CHCHD3: variants seen among roughly 807,000 people sequenced by gnomAD.
CHCHD3 encodes MICOS complex subunit MIC19.
A neutral mutation model predicts 38.2 loss-of-function variants in CHCHD3; 20 were observed. The observed-to-expected ratio is 0.52, with a 90% CI of 0.37 to 0.76. The LOEUF (loss-of-function observed/expected upper bound fraction) is 0.76. Ranked by LOEUF, CHCHD3 falls within the 30% of genes least tolerant of loss-of-function variation. The pLI is 0.00. For synonymous variants in CHCHD3, 82 were observed against 100.0 expected (o/e 0.82, Z 1.07); for missense variants, 245 against 279.2 (o/e 0.88, Z 0.87).
At chr7:132,866,906 G>C (rs1456902095) in intron 5 of CHCHD3, among the ~76,000 whole-genome samples, 1 of 152,148 alleles carries the variant, frequency 6.6e-6, no homozygotes, top group African/African-American at 2.4e-5. Flanking sequence ...CTGCCAGCAG[G>C]CTTCTCCCCC....
intron 5 of CHCHD3, among the ~76,000 whole-genome samples, chr7:132,865,753 C>T (rs1205582944): frequency 2.0e-5 from 3 of 152,298 alleles, no homozygotes; most frequent in African/African-American, 7.2e-5. Flanking sequence ...GCTTCTACCA[C>T]TGTTCCTATT....
intron 6 of CHCHD3, among the ~76,000 whole-genome samples, chr7:132,837,609 T>A (rs552699298): frequency 6.6e-6 from 1 of 152,360 alleles, no homozygotes; most frequent in Admixed American, 6.5e-5. Context: ...TAGGGTTTAA[T>A]CATTTTATCA....
At chr7:132,918,652 G>C (rs1405990865) in intron 4 of CHCHD3, among the ~76,000 whole-genome samples, 1 of 152,062 alleles carries the variant, frequency 6.6e-6, no homozygotes, top group African/African-American at 2.4e-5. Flanking sequence ...AGACTTAAAA[G>C]ACTCAATCTG....
Position 132,785,563 on chromosome 7 carries a change from G to A in CHCHD3, c.*74C>T. 1 of 1,467,500 alleles carries A rather than the reference G, an allele frequency of 6.8e-7. No individual in the cohort carries two copies. The highest frequency in any genetic ancestry group is 1.1e-5 in the South Asian group (1 of 87,578). The allele number at this position is 1,467,500 out of a possible 1,614,324, so 90.9% of individuals were successfully genotyped here. A position where few individuals can be genotyped will look rare whatever the true frequency, so the allele number is the denominator to read the frequency against. On this transcript the variant is annotated 3_prime_UTR_variant, in exon 8 of 8. Transcript: ENST00000262570. ...TAGTGGTCTTCTCTTCAAATGGGTT[G>A]TTTTCTCACTAGGAAAAAAAATGTT...
intron 3 of CHCHD3, among the ~76,000 whole-genome samples, chr7:132,988,674 G>A (rs71535712): frequency 0.021 from 3,252 of 152,228 alleles, 43 homozygotes; most frequent in Non-Finnish European, 0.034. Flanking sequence ...AGCTGCTCAG[G>A]AGGATGAGGT....
At chr7:133,016,874 T>C (rs1325041325) in intron 3 of CHCHD3, among the ~76,000 whole-genome samples, 1 of 152,232 alleles carries the variant, frequency 6.6e-6, no homozygotes, top group East Asian at 1.9e-4. Flanking sequence ...AGGTCCAGCC[T>C]ATGTGGACCA....
At chr7:133,042,184 C>T (rs1813852083) in intron 2 of CHCHD3, among the ~76,000 whole-genome samples, 1 of 152,170 alleles carries the variant, frequency 6.6e-6, no homozygotes, top group South Asian at 2.1e-4. Context: ...CTATAATCCA[C>T]TTATACATAT....
At chr7:132,898,212 T>C (rs1157997042) in intron 4 of CHCHD3, among the ~76,000 whole-genome samples, 1 of 152,128 alleles carries the variant, frequency 6.6e-6, no homozygotes, top group Non-Finnish European at 1.5e-5. Context: ...TTCCACAGTG[T>C]GGAAAGGGAC....
chr7:132,824,479 A>T (rs576748196), intron 6 of CHCHD3, among the ~76,000 whole-genome samples: 41 of 152,016 alleles, frequency 2.7e-4, no homozygotes, highest in Non-Finnish European at 4.6e-4. Context: ...CCACCACGCC[A>T]GGCTAATTTT....
At chr7:132,873,189 GAC>G (rs1232739646) in intron 5 of CHCHD3, among the ~76,000 whole-genome samples, 2 of 152,082 alleles carry the variant, frequency 1.3e-5, no homozygotes, top group Non-Finnish European at 2.9e-5. Context: ...CACCACTGGT[GAC>G]ACAGAGGGAG....
chr7:132,885,251 C>G (rs1037111668), intron 5 of CHCHD3, among the ~76,000 whole-genome samples: 1 of 151,554 alleles, frequency 6.6e-6, no homozygotes, highest in East Asian at 1.9e-4. Context: ...GATTCCATTT[C>G]AAAAAGAAAA....
intron 3 of CHCHD3, among the ~76,000 whole-genome samples, chr7:132,993,170 G>A (rs567656127): frequency 1.3e-5 from 2 of 152,278 alleles, no homozygotes; most frequent in African/African-American, 4.8e-5. Context: ...GACTAGGTGT[G>A]CATGTTTTCT....
At chr7:133,025,324 T>C (rs1405905973) in intron 2 of CHCHD3, among the ~76,000 whole-genome samples, 2 of 152,178 alleles carry the variant, frequency 1.3e-5, no homozygotes, top group Non-Finnish European at 2.9e-5. Context: ...CTTACAGCTA[T>C]GATGGTAAAT....
chr7:132,976,771 G>C (rs895772973), intron 3 of CHCHD3, among the ~76,000 whole-genome samples: 2 of 151,828 alleles, frequency 1.3e-5, no homozygotes, highest in African/African-American at 4.8e-5. Context: ...AAAAACTAGA[G>C]ATAAAATTTT....
chr7:132,965,000 T>C (rs574792907), intron 4 of CHCHD3, among the ~76,000 whole-genome samples: 1 of 152,082 alleles, frequency 6.6e-6, no homozygotes, highest in Non-Finnish European at 1.5e-5. Context: ...ACAAGGCCTA[T>C]TCGAGTAGTT....
chr7:132,927,622 T>C (rs529318170), intron 4 of CHCHD3, among the ~76,000 whole-genome samples: 9 of 152,236 alleles, frequency 5.9e-5, no homozygotes, highest in Non-Finnish European at 1.2e-4. Flanking sequence ...GCTGTTAAAA[T>C]AGCTCCATTC....
At position 133,059,227 on chromosome 7, in the gene CHCHD3, T is replaced by G. The variant is rs144699448; in HGVS notation, c.169+10915A>C. ...GATAGAGTGAAGAAAAGCTCCACTC[T>G]CAAGTGTCCCAGAGTTTTGACAACA... On this transcript the variant is annotated intron_variant, in intron 2 of 7. Coordinates refer to ENST00000262570, the MANE Select transcript of CHCHD3 (RefSeq NM_017812.4). 7.5e-4 allele frequency among the ~76,000 whole-genome samples: 114 copies of G among 152,220 alleles called. 1 individual carries two copies. Among genetic ancestry groups the G allele is most frequent in the African/African-American group, 2.7e-3 (111 of 41,552 alleles).
rs1815188625 is a variant in CHCHD3 at position 133,081,975 on chromosome 7, A to C, written c.-38T>G. ...TGCCCCAGCGGAGACCTAGCGGGGAACCACGAGCACTTCGGGGCCCCCGCA... is the reference window on the plus strand; with the variant it reads ...TGCCCCAGCGGAGACCTAGCGGGGACCCACGAGCACTTCGGGGCCCCCGCA... On this transcript the variant is annotated 5_prime_UTR_variant, in exon 1 of 8. Coordinates refer to ENST00000262570, the MANE Select transcript of CHCHD3 (RefSeq NM_017812.4). 4.0e-6 allele frequency: 6 copies of C among 1,502,232 alleles called. No homozygotes were observed. The highest frequency in any genetic ancestry group is 5.4e-6 in the Non-Finnish European group (6 of 1,120,044). The allele number at this position is 1,502,232 out of a possible 1,614,324, so 93.1% of individuals were successfully genotyped here.
intron 4 of CHCHD3, among the ~76,000 whole-genome samples, chr7:132,899,869 C>A (rs1408915131): frequency 6.6e-6 from 1 of 152,216 alleles, no homozygotes; most frequent in Non-Finnish European, 1.5e-5. Context: ...TTTACCACAA[C>A]ATTTCTTCTA....
Sources: allele counts gnomAD v4.1 joint callset (sites outside exome capture counted in the v4.1 genomes callset), GRCh38; gene constraint gnomAD v4.1.1; transcripts MANE v1.5; gene names NCBI Gene and HGNC (gene_info 2026-07-23, HGNC 2026-07-21).